The following PRSS55 variants were observed in gnomAD, a reference collection of about 807,000 sequenced individuals.
The protein encoded by PRSS55 is serine protease 55.
PRSS55 carries 41 observed loss-of-function variants against 23.6 expected under a neutral mutation model. The observed-to-expected ratio is 1.74, with a 90% CI of 1.35 to 2.26. The LOEUF is 2.26. Ranked by LOEUF, PRSS55 falls within the 30% of genes most tolerant of loss-of-function variation. PRSS55 has a pLI of 0.00. For synonymous variants in PRSS55, 262 were observed against 175.5 expected (o/e 1.49, Z -3.90); for missense variants, 669 against 439.1 (o/e 1.52, Z -4.68).
At chr8:10,548,861 C>T (rs1429912837) in intron 4 of PRSS55, among the ~76,000 whole-genome samples, 2 of 152,060 alleles carry the variant, frequency 1.3e-5, no homozygotes, top group Non-Finnish European at 2.9e-5. Flanking sequence ...TGCTGGGGAC[C>T]TGGTGGTGGG....
At chr8:10,546,577 G>A (rs1812823239) in intron 4 of PRSS55, among the ~76,000 whole-genome samples, 1 of 152,188 alleles carries the variant, frequency 6.6e-6, no homozygotes, top group African/African-American at 2.4e-5. Flanking sequence ...TGGCTCTGCA[G>A]GGCAGCCACG....
chr8:10,534,205 C>A (rs1336327249), intron 4 of PRSS55, among the ~76,000 whole-genome samples: 2 of 152,250 alleles, frequency 1.3e-5, no homozygotes, highest in East Asian at 3.9e-4. Context: ...TTCTCCCAGC[C>A]CCTCCCACTA....
Position 10,547,157 on chromosome 8 carries a change from G to A in PRSS55, c.742-6786G>A, listed in dbSNP as rs561705472. Among the ~76,000 whole-genome samples the A allele has an allele frequency of 5.9e-5, 9 of 152,234 alleles. No individual in the cohort carries two copies. In the South Asian group the frequency reaches 1.9e-3, roughly 32 times the overall value. ...AGTCACCGCTCCTATTTATAGCTCC[G>A]CAATTCCCGCCACCCTTGTCACTCG... On this transcript the variant is annotated intron_variant, in intron 4 of 4. Coordinates refer to the PRSS55 transcript ENST00000522210.
chr8:10,527,042 T>C (rs1026983021), intron 1 of PRSS55, among the ~76,000 whole-genome samples: 12 of 152,188 alleles, frequency 7.9e-5, no homozygotes, highest in Admixed American at 5.2e-4. Flanking sequence ...ACCCAGCTCA[T>C]ACACACTCGG....
At chr8:10,553,111 G>A (rs1026966534) in intron 4 of PRSS55, among the ~76,000 whole-genome samples, 1 of 152,122 alleles carries the variant, frequency 6.6e-6, no homozygotes, top group African/African-American at 2.4e-5. Context: ...GATCATGAGG[G>A]CAGTTTTCCA....
At chr8:10,552,301 C>T (rs1411437280) in intron 4 of PRSS55, among the ~76,000 whole-genome samples, 3 of 152,182 alleles carry the variant, frequency 2.0e-5, no homozygotes, top group Admixed American at 6.5e-5. Context: ...GGCAAAGCTA[C>T]GGATGGCTGG....
intron 4 of PRSS55, among the ~76,000 whole-genome samples, chr8:10,551,802 C>T (rs533243129): frequency 6.6e-6 from 1 of 152,336 alleles, no homozygotes; most frequent in South Asian, 2.1e-4. Flanking sequence ...CTGTGTCAAG[C>T]CCCGTGCTGT....
intron 4 of PRSS55, among the ~76,000 whole-genome samples, chr8:10,537,056 G>T (rs1812480793): frequency 6.6e-6 from 1 of 152,088 alleles, no homozygotes. Context: ...AAAATCTTGG[G>T]TTACAGGATG....
intron 4 of PRSS55, among the ~76,000 whole-genome samples, chr8:10,544,288 A>T (rs1038491687): frequency 2.0e-5 from 3 of 152,118 alleles, no homozygotes; most frequent in African/African-American, 7.2e-5. Context: ...CTTTATCTCT[A>T]ATGAATTTTT....
downstream of PRSS55, among the ~76,000 whole-genome samples, chr8:10,539,488 A>G (rs1168995030): frequency 2.0e-5 from 3 of 152,178 alleles, no homozygotes; most frequent in South Asian, 2.1e-4. Flanking sequence ...CCTTCTATGG[A>G]GCATGTTTCC....
chr8:10,535,687 A>G (rs560303816), intron 4 of PRSS55, among the ~76,000 whole-genome samples: 13 of 152,254 alleles, frequency 8.5e-5, no homozygotes, highest in Non-Finnish European at 1.2e-4. Context: ...GGAAGTCTCC[A>G]AAAGCAATTG....
At chr8:10,538,821 C>A (rs762841288), downstream of PRSS55, 2 of 1,524,166 alleles carry the variant, frequency 1.3e-6, no homozygotes, top group Middle Eastern at 1.8e-4. Context: ...TTCTTTCAAC[C>A]GAGGGAGGGT....
Position 10,525,640 on chromosome 8 carries a change from G to C in PRSS55, c.55G>C (p.Gly19Arg). 7 of 1,614,114 alleles carry C rather than the reference G, an allele frequency of 4.3e-6. No individual in the cohort carries two copies. The highest frequency in any genetic ancestry group is 2.2e-5 in the East Asian group (1 of 44,860). The change falls in exon 1 of 5, where the codon GGT (glycine) becomes CGT (arginine). Residue 19 changes from glycine to arginine, a missense_variant. Gly to Arg is a moderately radical substitution (Grantham distance 125, BLOSUM62 -2). Coordinates refer to ENST00000328655, the MANE Select transcript of PRSS55 (RefSeq NM_198464.4). ...LLSLVTGTQL[G>R]PRTPLPEAGV... is the part of the protein sequence containing the mutation. ...GTCCCTGGTCACGGGAACTCAGCTC[G>C]GTCCACGGACTCCTCTCCCAGAGGC...
intron 2 of PRSS55, among the ~76,000 whole-genome samples, 163 bp downstream of exon 2, chr8:10,529,862 G>A (rs768845928): frequency 3.3e-5 from 5 of 152,188 alleles, no homozygotes; most frequent in African/African-American, 4.8e-5. Context: ...CTGTGGGGAC[G>A]TGGAGGTAGC....
chr8:10,551,346 T>A (rs1382722785), intron 4 of PRSS55, among the ~76,000 whole-genome samples: 1 of 152,234 alleles, frequency 6.6e-6, no homozygotes, highest in East Asian at 1.9e-4. Flanking sequence ...TCACTTATTC[T>A]TCCTGTTATT....
chr8:10,536,142 C>T (rs1812445412), intron 4 of PRSS55, among the ~76,000 whole-genome samples: 1 of 152,130 alleles, frequency 6.6e-6, no homozygotes, highest in African/African-American at 2.4e-5. Flanking sequence ...GCCCAGACTG[C>T]TGCCACTGCA....
intron 2 of PRSS55, among the ~76,000 whole-genome samples, chr8:10,530,641 T>C (rs1812218901): frequency 1.3e-5 from 2 of 152,136 alleles, no homozygotes; most frequent in African/African-American, 4.8e-5. Context: ...AGAATTCAAA[T>C]TCTGGCTCTA....
intron 4 of PRSS55, chr8:10,553,906 A>AT (rs1406219312): frequency 2.2e-6 from 3 of 1,385,834 alleles, no homozygotes; most frequent in African/African-American, 2.9e-5. Flanking sequence ...AATACATAAA[A>AT]TTTTTTTAAT....
chr8:10,543,422 T>TCC (rs1563547192), downstream of PRSS55, among the ~76,000 whole-genome samples: 18 of 33,156 alleles, frequency 5.4e-4, no homozygotes, highest in East Asian at 1.8e-3. Context: ...TCTTCTTTCT[T>TCC]TCTTCCTTCC....
Sources: allele counts gnomAD v4.1 joint callset (sites outside exome capture counted in the v4.1 genomes callset), GRCh38; gene constraint gnomAD v4.1.1; transcripts MANE v1.5; gene names NCBI Gene and HGNC (gene_info 2026-07-23, HGNC 2026-07-21).